SRPK2: variants seen among roughly 807,000 people sequenced by gnomAD.
SRPK2 encodes SRSF protein kinase 2.
Under a neutral mutation model 90.8 loss-of-function variants are expected in SRPK2, and 21 were observed. That is an observed-to-expected ratio of 0.23 (90% CI 0.16 to 0.33). The LOEUF is 0.33. SRPK2 is among the 10% of genes least tolerant of loss of function. SRPK2 has a pLI of 1.00. For missense variants in SRPK2, 620 were observed against 869.0 expected, an observed-to-expected ratio of 0.71 and a Z score of 3.60; for synonymous variants, 288 against 311.1, an observed-to-expected ratio of 0.93 and a Z score of 0.78.
chr7:105,155,066 C>T (rs919476737), intron 7 of SRPK2, among the ~76,000 whole-genome samples: 15 of 151,898 alleles, frequency 9.9e-5, no homozygotes, highest in African/African-American at 3.1e-4. Context: ...CTGCAGCCTC[C>T]GCCTCCCAAG....
At chr7:105,235,407 G>A (rs1367511756) in intron 2 of SRPK2, among the ~76,000 whole-genome samples, 2 of 152,048 alleles carry the variant, frequency 1.3e-5, no homozygotes, top group Non-Finnish European at 2.9e-5. Context: ...CATCTCTTTA[G>A]TCTAAAGTCA....
At chr7:105,205,321 T>C (rs1173715972) in intron 2 of SRPK2, among the ~76,000 whole-genome samples, 2 of 152,176 alleles carry the variant, frequency 1.3e-5, no homozygotes, top group African/African-American at 4.8e-5. Flanking sequence ...TGAATATCTT[T>C]AGCAGGACAA....
At chr7:105,385,749 G>C (rs1821502821) in intron 2 of SRPK2, among the ~76,000 whole-genome samples, 1 of 152,166 alleles carries the variant, frequency 6.6e-6, no homozygotes, top group African/African-American at 2.4e-5. Context: ...CAACAGCTGG[G>C]CATGTTACTT....
chr7:105,115,986 G>C (rs1275518820), downstream of SRPK2, among the ~76,000 whole-genome samples: 1 of 152,108 alleles, frequency 6.6e-6, no homozygotes, highest in Non-Finnish European at 1.5e-5. Flanking sequence ...ATTTCATAAA[G>C]AAATTAATGA....
chr7:105,229,090 G>C (rs1799097255), intron 2 of SRPK2, among the ~76,000 whole-genome samples: 1 of 152,126 alleles, frequency 6.6e-6, no homozygotes, highest in Non-Finnish European at 1.5e-5. Context: ...CCGAGTTCAG[G>C]GAACTGCAGT....
chr7:105,125,148 A>AT (rs1453323222), intron 15 of SRPK2, among the ~76,000 whole-genome samples: 1 of 151,616 alleles, frequency 6.6e-6, no homozygotes, highest in Non-Finnish European at 1.5e-5. Context: ...AAAAAAAAAA[A>AT]AGAATATAGC....
Position 105,383,052 on chromosome 7 carries a change from AATTTT to A in SRPK2, c.71+5591_71+5595del, listed in dbSNP as rs1382394848. On this transcript the variant is annotated intron_variant, in intron 2 of 15. Transcript: ENST00000393651. ...AGTCTGAAATTATTTCAAAAGTAAA[AATTTT>A]TTTTTTTTTTTTTTTTTTTTTTTTG... is the stretch of plus-strand genomic sequence containing the variant. Among the ~76,000 whole-genome samples, 210 of 105,304 alleles carry A rather than the reference AATTTT, an allele frequency of 2.0e-3. 16 individuals are homozygous for A. Among genetic ancestry groups the A allele is most frequent in the African/African-American group, 6.0e-3 (158 of 26,542 alleles). 69.1% of individuals were successfully genotyped at this position (105,304 alleles called of 152,430 possible). A position where few individuals can be genotyped will look rare whatever the true frequency, so the allele number is the denominator to read the frequency against.
upstream of SRPK2, among the ~76,000 whole-genome samples, chr7:105,391,377 G>C (rs1265615543): frequency 6.6e-6 from 1 of 152,008 alleles, no homozygotes; most frequent in East Asian, 1.9e-4. Context: ...GGCTAATTTT[G>C]TATTTTTAGT....
At chr7:105,305,257 T>G (rs561834323) in intron 2 of SRPK2, among the ~76,000 whole-genome samples, 1 of 152,128 alleles carries the variant, frequency 6.6e-6, no homozygotes, top group East Asian at 1.9e-4. Context: ...CTGACCCACA[T>G]AGTGAAACCC....
intron 4 of SRPK2, among the ~76,000 whole-genome samples, chr7:105,168,785 G>C (rs1790432831): frequency 2.0e-5 from 3 of 147,112 alleles, no homozygotes; most frequent in Non-Finnish European, 3.0e-5. Context: ...GTGTGTGTAT[G>C]GAGTAGCAAT....
At chr7:105,309,737 C>G (rs796724065) in intron 2 of SRPK2, among the ~76,000 whole-genome samples, 21 of 152,256 alleles carry the variant, frequency 1.4e-4, no homozygotes, top group African/African-American at 5.1e-4. Flanking sequence ...CACTGTCAAC[C>G]ACATGATCAC....
In SRPK2 at chr7:105,196,408, T is replaced by C. The variant is rs140083077; in HGVS notation, c.229+7220A>G. On this transcript the variant is annotated intron_variant, in intron 3 of 15. Coordinates refer to ENST00000393651, the MANE Select transcript of SRPK2 (RefSeq NM_182692.3). ...CTTCAGCCACACAACACCATTTTAA[T>C]AGACAAAAACAGGCATTTCTATGGC... Among the ~76,000 whole-genome samples, 105 of 152,302 alleles carry C rather than the reference T, an allele frequency of 6.9e-4. 2 individuals are homozygous for C. In the East Asian group the frequency reaches 0.018, roughly 26 times the overall value.
At chr7:105,176,771 GTGTA>G (rs1165709679) in intron 3 of SRPK2, among the ~76,000 whole-genome samples, 112 of 149,264 alleles carry the variant, frequency 7.5e-4, no homozygotes, top group African/African-American at 2.2e-3. Context: ...GTGTGTGTGT[GTGTA>G]TATATATATA....
At chr7:105,351,926 CA>C in intron 2 of SRPK2, among the ~76,000 whole-genome samples, 1 of 1,388 alleles carries the variant, frequency 7.2e-4, no homozygotes, top group African/African-American at 2.8e-3. Flanking sequence ...GCAGGCTGTG[CA>C]GTTTGATGAT....
At chr7:105,136,524 C>T (rs535233345) in intron 11 of SRPK2, among the ~76,000 whole-genome samples, 11 of 152,338 alleles carry the variant, frequency 7.2e-5, no homozygotes, top group Admixed American at 5.9e-4. Context: ...GGAAAGCTTT[C>T]ACTTCGGGAA....
intron 2 of SRPK2, among the ~76,000 whole-genome samples, chr7:105,374,174 A>G (rs941978435): frequency 2.0e-5 from 3 of 151,324 alleles, no homozygotes; most frequent in South Asian, 4.2e-4. Flanking sequence ...TGATCTGCCC[A>G]CCTTGGCCTC....
intron 7 of SRPK2, among the ~76,000 whole-genome samples, chr7:105,157,785 A>C (rs1299572717): frequency 6.6e-6 from 1 of 152,198 alleles, no homozygotes; most frequent in Non-Finnish European, 1.5e-5. Flanking sequence ...TGAGGATAAC[A>C]CACGCATTGG....
At chr7:105,344,406 CCTTTTTTTTTTTTT>C (rs1275064391) in intron 2 of SRPK2, among the ~76,000 whole-genome samples, 7 of 128,612 alleles carry the variant, frequency 5.4e-5, no homozygotes, top group Non-Finnish European at 9.7e-5. Context: ...TGCAGCCACA[CCTTTTTTTTTTTTT>C]TTTTTTTTTT....
At chr7:105,354,730 A>G (rs1449350521) in intron 2 of SRPK2, among the ~76,000 whole-genome samples, 2 of 152,230 alleles carry the variant, frequency 1.3e-5, no homozygotes, top group African/African-American at 2.4e-5. Context: ...TTTTAATAAC[A>G]ACTACAGTCA....
Sources: allele counts gnomAD v4.1 joint callset (sites outside exome capture counted in the v4.1 genomes callset), GRCh38; gene constraint gnomAD v4.1.1; transcripts MANE v1.5; gene names NCBI Gene and HGNC (gene_info 2026-07-23, HGNC 2026-07-21).